Variants in ASIC2 observed in about 807,000 individuals in gnomAD.
The protein encoded by ASIC2 is acid-sensing ion channel 2.
Under a neutral mutation model 57.3 loss-of-function variants are expected in ASIC2, and 25 were observed. That is an observed-to-expected ratio of 0.44 (90% confidence interval 0.32 to 0.61). The LOEUF is 0.61. ASIC2 is among the 20% of genes least tolerant of loss of function. The probability of loss-of-function intolerance (pLI) is 0.06; values close to 1 mark genes in which losing one functional copy is unlikely to be tolerated. For synonymous variants in ASIC2, 319 were observed against 307.5 expected (o/e 1.04, Z -0.39); for missense variants, 641 against 738.1 (o/e 0.87, Z 1.52).
chr17:33,295,833 G>A (rs1209475072), upstream of ASIC2, among the ~76,000 whole-genome samples: 1 of 152,150 alleles, frequency 6.6e-6, no homozygotes, highest in African/African-American at 2.4e-5. Context: ...TGCGGGGGAG[G>A]TATTTTGGCC....
At chr17:33,974,955 T>A (rs1275393136) in intron 1 of ASIC2, among the ~76,000 whole-genome samples, 1 of 152,208 alleles carries the variant, frequency 6.6e-6, no homozygotes, top group Non-Finnish European at 1.5e-5. Flanking sequence ...AACAATTGTA[T>A]CATCTAATTT....
At chr17:33,170,642 GACTTCAAAAAC>G (rs1035756821) in intron 1 of ASIC2, among the ~76,000 whole-genome samples, 1 of 152,080 alleles carries the variant, frequency 6.6e-6, no homozygotes, top group African/African-American at 2.4e-5. Context: ...GTGCTTCCCA[GACTTCAAAAAC>G]AAAAGGAAGG....
chr17:33,071,799 T>A (rs1424315522), intron 3 of ASIC2, among the ~76,000 whole-genome samples: 6 of 152,206 alleles, frequency 3.9e-5, no homozygotes, highest in African/African-American at 1.2e-4. Context: ...TAGGGCTAAT[T>A]ATTTCCTGTT....
intron 1 of ASIC2, among the ~76,000 whole-genome samples, chr17:34,050,012 A>G (rs1170941860): frequency 6.6e-6 from 1 of 152,224 alleles, no homozygotes; most frequent in Non-Finnish European, 1.5e-5. Flanking sequence ...AATGTTTGAA[A>G]CAGATTAGAA....
Position 33,062,458 on chromosome 17 carries a change from G to A in ASIC2, c.987+26405C>T, listed in dbSNP as rs1446662991. Among the ~76,000 whole-genome samples the A allele has an allele frequency of 6.6e-5, 10 of 152,300 alleles. 1 individual carries two copies. The South Asian group carries it at 1.2e-3, about 19-fold the overall frequency. ...CAGGAGCAGCTTGTTCAGTTTCCAG[G>A]TAGTTGAGCGGTTTTGAGTGAGTTT... On this transcript the variant is annotated intron_variant, in intron 3 of 9. Coordinates refer to ENST00000225823, the MANE Select transcript of ASIC2 (RefSeq NM_183377.2).
chr17:33,554,464 C>T (rs1673456627), intron 1 of ASIC2, among the ~76,000 whole-genome samples: 1 of 151,986 alleles, frequency 6.6e-6, no homozygotes, highest in African/African-American at 2.4e-5. Flanking sequence ...AAATGAATCT[C>T]TACTATGTCA....
At chr17:33,263,259 T>C (rs1909347961) in intron 1 of ASIC2, among the ~76,000 whole-genome samples, 1 of 152,200 alleles carries the variant, frequency 6.6e-6, no homozygotes, top group Non-Finnish European at 1.5e-5. Flanking sequence ...CCGCTGTCTC[T>C]CTAAGCTGTG....
intron 1 of ASIC2, among the ~76,000 whole-genome samples, chr17:33,681,189 G>A (rs1356034711): frequency 1.3e-5 from 2 of 152,182 alleles, no homozygotes; most frequent in Non-Finnish European, 2.9e-5. Flanking sequence ...CCTTTCCCTG[G>A]CCCAGGGGAG....
chr17:33,975,670 A>G (rs1265960217), intron 1 of ASIC2, among the ~76,000 whole-genome samples: 3 of 152,078 alleles, frequency 2.0e-5, no homozygotes, highest in Non-Finnish European at 4.4e-5. Context: ...CCTTGATCTC[A>G]TCTCTCTGTT....
intron 1 of ASIC2, among the ~76,000 whole-genome samples, chr17:33,117,691 C>T (rs1014732006): frequency 6.6e-6 from 1 of 152,200 alleles, no homozygotes; most frequent in Non-Finnish European, 1.5e-5. Context: ...TGGTCATTCT[C>T]AATTCCAGTG....
At chr17:34,038,106 T>C in intron 1 of ASIC2, 1 of 1,613,044 alleles carries the variant, frequency 6.2e-7, no homozygotes. Flanking sequence ...CCAAAATCTG[T>C]AATTTTTATC....
chr17:33,335,806 T>C (rs1907490703), intron 1 of ASIC2, among the ~76,000 whole-genome samples: 1 of 152,182 alleles, frequency 6.6e-6, no homozygotes, highest in Admixed American at 6.5e-5. Flanking sequence ...ACCATGTTAG[T>C]ACTTGGGGCC....
chr17:34,049,549 C>G (rs1269345407), intron 1 of ASIC2, among the ~76,000 whole-genome samples: 4 of 152,160 alleles, frequency 2.6e-5, no homozygotes, highest in Admixed American at 6.5e-5. Flanking sequence ...CATGATCAAG[C>G]CCATCCTCCC....
chr17:34,011,086 C>CAG (rs1906734320), intron 1 of ASIC2, among the ~76,000 whole-genome samples: 1 of 2,700 alleles, frequency 3.7e-4, no homozygotes, highest in Admixed American at 4.3e-3. Flanking sequence ...CAGACACATG[C>CAG]ACACACACAC....
intron 1 of ASIC2, among the ~76,000 whole-genome samples, chr17:34,135,996 G>A (rs1912117454): frequency 6.6e-6 from 1 of 152,110 alleles, no homozygotes. Context: ...GAGCCCTCTT[G>A]GCCAAGAGGA....
chr17:33,493,989 A>G (rs1292869052), intron 1 of ASIC2, among the ~76,000 whole-genome samples: 1 of 152,244 alleles, frequency 6.6e-6, no homozygotes, highest in Non-Finnish European at 1.5e-5. Context: ...GGAGACTCTT[A>G]CAGCCAACCT....
chr17:33,413,539 T>C (rs1910735872), intron 1 of ASIC2, among the ~76,000 whole-genome samples: 1 of 152,266 alleles, frequency 6.6e-6, no homozygotes, highest in African/African-American at 2.4e-5. Context: ...GATAGCCTCC[T>C]GCCTGGCTCT....
intron 1 of ASIC2, among the ~76,000 whole-genome samples, chr17:33,280,251 A>G (rs1298170594): frequency 1.3e-4 from 20 of 152,228 alleles, no homozygotes; most frequent in Admixed American, 1.3e-3. Flanking sequence ...TTGGATGTGA[A>G]AAATGCAGTC....
intron 1 of ASIC2, among the ~76,000 whole-genome samples, chr17:34,025,950 G>A (rs940401830): frequency 6.6e-6 from 1 of 152,216 alleles, no homozygotes; most frequent in Admixed American, 6.5e-5. Flanking sequence ...GTGCAACTTT[G>A]TCTAAGAAGC....
Sources: gnomAD v4.1 joint callset for allele counts (sites outside exome capture counted in the v4.1 genomes callset) on GRCh38, gnomAD v4.1.1 for gene constraint, MANE v1.5 for transcripts, NCBI Gene and HGNC (gene_info 2026-07-23, HGNC 2026-07-21) for gene names.